MICU1: variants seen among roughly 807,000 people sequenced by gnomAD.
MICU1 encodes mitochondrial calcium uptake 1.
MICU1 carries 45 observed loss-of-function variants against 56.8 expected under a neutral mutation model. The ratio of observed to expected loss-of-function variants is 0.79; its 90% CI spans 0.62 to 1.02. The LOEUF is 1.02. MICU1 is among the 50% of genes least tolerant of loss of function. The pLI is 0.00. For missense variants in MICU1, 504 were observed against 587.1 expected, an observed-to-expected ratio of 0.86 and a Z score of 1.46; for synonymous variants, 186 against 195.1, an observed-to-expected ratio of 0.95 and a Z score of 0.39.
intron 1 of MICU1, among the ~76,000 whole-genome samples, chr10:72,572,864 C>T (rs577552645): frequency 1.3e-5 from 2 of 152,164 alleles, no homozygotes; most frequent in South Asian, 4.1e-4. Context: ...CAAATCTGTA[C>T]AATTTATGGT....
chr10:72,597,979 T>C (rs1341733267), intron 1 of MICU1, among the ~76,000 whole-genome samples: 1 of 152,178 alleles, frequency 6.6e-6, no homozygotes, highest in Non-Finnish European at 1.5e-5. Flanking sequence ...TTAAGGATGC[T>C]CAATCTGTAG....
intron 4 of MICU1, among the ~76,000 whole-genome samples, chr10:72,549,660 G>A (rs766600154): frequency 3.9e-5 from 6 of 152,138 alleles, no homozygotes; most frequent in Non-Finnish European, 8.8e-5. Flanking sequence ...GCCGGGTGCA[G>A]TGGGTCACGC....
intron 1 of MICU1, among the ~76,000 whole-genome samples, chr10:72,620,105 A>G (rs1414828317): frequency 6.6e-6 from 1 of 152,184 alleles, no homozygotes; most frequent in Non-Finnish European, 1.5e-5. Context: ...AAAAAGCAAA[A>G]TCTAAATTAT....
chr10:72,591,377 A>C (rs1373456397), intron 1 of MICU1, among the ~76,000 whole-genome samples: 3 of 152,132 alleles, frequency 2.0e-5, no homozygotes, highest in Non-Finnish European at 4.4e-5. Flanking sequence ...AATAATAATG[A>C]TTAGAGCAGA....
intron 6 of MICU1, among the ~76,000 whole-genome samples, chr10:72,505,247 G>A (rs983291765): frequency 1.3e-5 from 2 of 152,020 alleles, no homozygotes; most frequent in Non-Finnish European, 2.9e-5. Context: ...CCAAAGTGCT[G>A]GGATTATAGG....
In MICU1 at chr10:72,455,350, C is replaced by CCAA. The variant is rs1266151652; in HGVS notation, c.933+19749_933+19750insTTG. 1.5e-3 allele frequency among the ~76,000 whole-genome samples: 65 copies of CCAA among 44,212 alleles called. 3 individuals are homozygous for CCAA. Among genetic ancestry groups the CCAA allele is most frequent in the African/African-American group, 4.2e-3 (63 of 14,924 alleles). The allele number at this position is 44,212 out of a possible 152,430, so 29.0% of individuals were successfully genotyped here. A position where few individuals can be genotyped will look rare whatever the true frequency, so the allele number is the denominator to read the frequency against. ...GGGAAACAAGAGCAAGACTCTGTCTCAAAAAAAAAAAAAAAAAAAAAAAAA... is the reference window on the plus strand; with the variant it reads ...GGGAAACAAGAGCAAGACTCTGTCTCCAAAAAAAAAAAAAAAAAAAAAAAAAAA... On this transcript the variant is annotated intron_variant, in intron 8 of 11. Transcript: ENST00000361114.
chr10:72,373,974 C>G (rs1862431755), intron 11 of MICU1, among the ~76,000 whole-genome samples: 1 of 152,198 alleles, frequency 6.6e-6, no homozygotes, highest in Non-Finnish European at 1.5e-5. Flanking sequence ...CCACATGTGC[C>G]TTGGTGGTAT....
chr10:72,480,442 C>G (rs1292513887), intron 6 of MICU1, among the ~76,000 whole-genome samples: 1 of 152,130 alleles, frequency 6.6e-6, no homozygotes, highest in African/African-American at 2.4e-5. Context: ...GAGGTTTAAG[C>G]TGGGATTTAT....
chr10:72,383,606 C>G (rs1488810580), intron 10 of MICU1, among the ~76,000 whole-genome samples: 1 of 152,108 alleles, frequency 6.6e-6, no homozygotes, highest in African/African-American at 2.4e-5. Flanking sequence ...TAACCAGTTC[C>G]TTATTTATTC....
chr10:72,432,820 G>A (rs1241628051), intron 8 of MICU1, among the ~76,000 whole-genome samples: 1 of 152,218 alleles, frequency 6.6e-6, no homozygotes, highest in East Asian at 1.9e-4. Flanking sequence ...ATTTCAACAT[G>A]AGATTTGTAG....
At chr10:72,558,972 C>T (rs1417405776) in intron 3 of MICU1, among the ~76,000 whole-genome samples, 5 of 152,188 alleles carry the variant, frequency 3.3e-5, no homozygotes, top group African/African-American at 1.2e-4. Flanking sequence ...GAGCTTTCAT[C>T]ATGCCATTGC....
At chr10:72,498,134 T>C (rs1168327766) in intron 6 of MICU1, among the ~76,000 whole-genome samples, 2 of 152,234 alleles carry the variant, frequency 1.3e-5, no homozygotes. Context: ...TGAGATATCC[T>C]AGGAGAAGGA....
At chr10:72,564,144 C>T (rs1840367227) in intron 2 of MICU1, among the ~76,000 whole-genome samples, 1 of 151,970 alleles carries the variant, frequency 6.6e-6, no homozygotes, top group Non-Finnish European at 1.5e-5. Flanking sequence ...ATGGAGCAAA[C>T]GATAATAGAT....
intron 3 of MICU1, among the ~76,000 whole-genome samples, chr10:72,555,804 T>C (rs1394018419): frequency 6.6e-6 from 1 of 152,230 alleles, no homozygotes; most frequent in Non-Finnish European, 1.5e-5. Flanking sequence ...CTATATTTAA[T>C]TGTCTGTTTC....
chr10:72,592,295 A>G (rs1395064516), intron 1 of MICU1, among the ~76,000 whole-genome samples: 2 of 151,880 alleles, frequency 1.3e-5, no homozygotes, highest in African/African-American at 4.8e-5. Flanking sequence ...GTGTGGAGCC[A>G]CCATGCCCAG....
intron 1 of MICU1, among the ~76,000 whole-genome samples, chr10:72,606,580 CTG>C (rs1279094008): frequency 6.6e-6 from 1 of 151,700 alleles, no homozygotes; most frequent in Non-Finnish European, 1.5e-5. Flanking sequence ...ATTTGTAATA[CTG>C]TGATTTATAA....
At chr10:72,561,281 T>C (rs1200852032) in intron 3 of MICU1, among the ~76,000 whole-genome samples, 1 of 152,194 alleles carries the variant, frequency 6.6e-6, no homozygotes, top group Non-Finnish European at 1.5e-5. Context: ...TCAAAATAAA[T>C]GTTTATTTGG....
At chr10:72,616,921 C>T (rs1465344411) in intron 1 of MICU1, among the ~76,000 whole-genome samples, 1 of 152,224 alleles carries the variant, frequency 6.6e-6, no homozygotes, top group Non-Finnish European at 1.5e-5. Flanking sequence ...TCTGGGTTCC[C>T]TGTCCCTGTT....
chr10:72,584,881 A>C (rs1841003294), intron 1 of MICU1, among the ~76,000 whole-genome samples: 1 of 152,162 alleles, frequency 6.6e-6, no homozygotes, highest in South Asian at 2.1e-4. Flanking sequence ...CCATTAAAAA[A>C]CTACAGGATG....
Sources: gnomAD v4.1 joint callset for allele counts (sites outside exome capture counted in the v4.1 genomes callset) on GRCh38, gnomAD v4.1.1 for gene constraint, MANE v1.5 for transcripts, NCBI Gene and HGNC (gene_info 2026-07-23, HGNC 2026-07-21) for gene names.